The following PDE4D variants were observed in gnomAD, a reference collection of about 807,000 sequenced individuals.
The protein encoded by PDE4D is phosphodiesterase 4D, also known as 3',5'-cyclic-AMP phosphodiesterase 4D.
A neutral mutation model predicts 87.4 loss-of-function variants in PDE4D; 24 were observed. The observed-to-expected ratio is 0.27, with a 90% CI of 0.20 to 0.39. The LOEUF (loss-of-function observed/expected upper bound fraction) is 0.39. PDE4D is among the 10% of genes least tolerant of loss of function. The probability of loss-of-function intolerance (pLI) is 1.00; values close to 1 mark genes in which losing one functional copy is unlikely to be tolerated. For missense variants in PDE4D, 714 were observed against 1,041.0 expected, an observed-to-expected ratio of 0.69 and a Z score of 4.32; for synonymous variants, 384 against 383.2, an observed-to-expected ratio of 1.00 and a Z score of -0.02.
At chr5:60,170,456 T>G (rs1021187542) in intron 2 of PDE4D, among the ~76,000 whole-genome samples, 1 of 151,938 alleles carries the variant, frequency 6.6e-6, no homozygotes, top group Non-Finnish European at 1.5e-5. Context: ...TTTAAATGCC[T>G]CTCCATTACC....
At position 59,753,835 on chromosome 5, in the gene PDE4D, T is replaced by C. The variant is rs560070594; in HGVS notation, c.455+139333A>G. Among the ~76,000 whole-genome samples, 33 of 152,216 alleles carry C rather than the reference T, an allele frequency of 2.2e-4. 1 individual carries two copies. Among genetic ancestry groups the C allele is most frequent in the Non-Finnish European group, 1.2e-4 (8 of 68,036 alleles). Reference sequence around the variant, plus strand: ...TAAGTGACTTTAAATGCAAAGGCAATGCTGCTTTAAGTTTGTTTGTGTATG... The same window carrying C: ...TAAGTGACTTTAAATGCAAAGGCAACGCTGCTTTAAGTTTGTTTGTGTATG... On this transcript the variant is annotated intron_variant, in intron 1 of 14. Transcript: ENST00000340635.
chr5:59,793,326 C>T (rs1766042461), intron 1 of PDE4D, among the ~76,000 whole-genome samples: 1 of 152,164 alleles, frequency 6.6e-6, no homozygotes, highest in Non-Finnish European at 1.5e-5. Context: ...TGGCCAAGCA[C>T]CTAGAGAGAG....
At chr5:59,215,552 C>T (rs866805636) in intron 2 of PDE4D, 29 of 364,208 alleles carry the variant, frequency 8.0e-5, no homozygotes, top group African/African-American at 2.0e-4. Context: ...TAAATACATG[C>T]GTGTGTGTGT....
At chr5:60,190,625 T>C (rs1469625683) in intron 1 of PDE4D, among the ~76,000 whole-genome samples, 1 of 152,214 alleles carries the variant, frequency 6.6e-6, no homozygotes, top group Non-Finnish European at 1.5e-5. Context: ...CCTAAGGTCA[T>C]AGAACTGCCT....
chr5:60,250,568 C>T (rs1748311671), intron 1 of PDE4D, among the ~76,000 whole-genome samples: 1 of 151,822 alleles, frequency 6.6e-6, no homozygotes, highest in African/African-American at 2.4e-5. Flanking sequence ...TTCCTATAGC[C>T]TAGTTATTAA....
chr5:60,057,225 C>T (rs1770877834), intron 2 of PDE4D, among the ~76,000 whole-genome samples: 1 of 151,944 alleles, frequency 6.6e-6, no homozygotes, highest in East Asian at 1.9e-4. Context: ...AATGAAGATG[C>T]TAAGTAAATG....
intron 5 of PDE4D, among the ~76,000 whole-genome samples, chr5:59,072,035 T>C (rs1156343394): frequency 6.6e-6 from 1 of 152,192 alleles, no homozygotes; most frequent in Admixed American, 6.5e-5. Flanking sequence ...TTTTGGTTTC[T>C]TTCACTTACT....
chr5:59,567,528 C>A (rs1411971406), intron 1 of PDE4D, among the ~76,000 whole-genome samples: 2 of 152,076 alleles, frequency 1.3e-5, no homozygotes, highest in Middle Eastern at 3.2e-3. Flanking sequence ...AAGTTAACTG[C>A]AAACAATATA....
rs1430689220 is a variant in PDE4D, at chr5:59,803,839, G to C, written c.455+89329C>G. On this transcript the variant is annotated intron_variant, in intron 1 of 14. Coordinates refer to ENST00000340635, the MANE Select transcript of PDE4D (RefSeq NM_001104631.2). Reference sequence around the variant, plus strand: ...CCACAGGACAGCAATCTTAGGTAAGGTCTTAAAATAGGAAATAGAAAATTA... The same window carrying C: ...CCACAGGACAGCAATCTTAGGTAAGCTCTTAAAATAGGAAATAGAAAATTA... Among the ~76,000 whole-genome samples the C allele has an allele frequency of 3.9e-5, 6 of 152,164 alleles. No individual in the cohort carries two copies. In the East Asian group the frequency reaches 1.2e-3, roughly 29 times the overall value.
intron 1 of PDE4D, among the ~76,000 whole-genome samples, chr5:59,502,273 C>T (rs35987304): frequency 0.4 from 61,490 of 151,930 alleles, 13,408 homozygotes; most frequent in African/African-American, 0.56. Flanking sequence ...GTTCCATTAA[C>T]AGATAAGTCT....
chr5:60,464,905 C>T (rs1021738874), intron 1 of PDE4D, among the ~76,000 whole-genome samples: 1 of 152,088 alleles, frequency 6.6e-6, no homozygotes, highest in African/African-American at 2.4e-5. Flanking sequence ...ATTTCAATAC[C>T]AGCCTAGACA....
At chr5:59,527,258 T>A (rs374838696) in intron 1 of PDE4D, among the ~76,000 whole-genome samples, 5 of 152,180 alleles carry the variant, frequency 3.3e-5, no homozygotes, top group Non-Finnish European at 5.9e-5. Flanking sequence ...AATAAGCAAA[T>A]GCATAAATTT....
At chr5:59,864,886 G>A (rs1406066831) in intron 1 of PDE4D, among the ~76,000 whole-genome samples, 13 of 152,118 alleles carry the variant, frequency 8.5e-5, no homozygotes, top group Admixed American at 7.9e-4. Context: ...GTTCCCCAGT[G>A]GACCTACTCA....
rs180692722 is a variant in PDE4D at position 59,116,411 on chromosome 5, G to A, written c.808+64184C>T. 4.7e-3 allele frequency among the ~76,000 whole-genome samples: 723 copies of A among 152,234 alleles called. 6 individuals are homozygous for A. Among genetic ancestry groups the A allele is most frequent in the African/African-American group, 0.017 (696 of 41,560 alleles). On this transcript the variant is annotated intron_variant, in intron 5 of 14. Transcript: ENST00000340635. ...AACTTTCACAGCTCAGACCTGCAGA[G>A]ACAGGTTTTAAAAACAACATTTGGC...
chr5:59,988,400 A>G, intron 3 of PDE4D: 1 of 745,718 alleles, frequency 1.3e-6, no homozygotes, highest in Non-Finnish European at 2.1e-6. Flanking sequence ...ACTCAAATCA[A>G]GCAATGAGCC....
intron 1 of PDE4D, among the ~76,000 whole-genome samples, chr5:59,477,022 A>T (rs949744911): frequency 1.1e-4 from 17 of 152,040 alleles, no homozygotes; most frequent in African/African-American, 4.1e-4. Context: ...AACAGTCTAC[A>T]AATAAAAGCT....
chr5:60,418,703 C>G (rs1742836465), intron 1 of PDE4D, among the ~76,000 whole-genome samples: 1 of 151,892 alleles, frequency 6.6e-6, no homozygotes, highest in South Asian at 2.1e-4. Flanking sequence ...AGTATCCATT[C>G]CCTCAAGCAT....
At chr5:58,992,031 A>C in intron 7 of PDE4D, 27 bp from the exon 8 acceptor site, 3 of 1,369,168 alleles carry the variant, frequency 2.2e-6, no homozygotes, top group Non-Finnish European at 3.0e-6. Context: ...AATGTTCTAT[A>C]TTTATTATTA....
intron 2 of PDE4D, among the ~76,000 whole-genome samples, chr5:60,089,091 T>C (rs1774834568): frequency 6.6e-6 from 1 of 151,980 alleles, no homozygotes; most frequent in Non-Finnish European, 1.5e-5. Context: ...AAGGCAATAG[T>C]AGGAGACTTT....
Sources: allele counts gnomAD v4.1 joint callset (sites outside exome capture counted in the v4.1 genomes callset), GRCh38; gene constraint gnomAD v4.1.1; transcripts MANE v1.5; gene names NCBI Gene and HGNC (gene_info 2026-07-23, HGNC 2026-07-21).